The following IFT57 variants were observed in gnomAD, a reference collection of about 807,000 sequenced individuals.
IFT57 encodes intraflagellar transport protein 57 homolog.
IFT57 carries 59 observed loss-of-function variants against 56.8 expected under a neutral mutation model. The observed-to-expected ratio is 1.04, with a 90% confidence interval of 0.84 to 1.29. The LOEUF is 1.29. Among genes scored for constraint, IFT57 ranks in the 50% most tolerant of loss-of-function variants. The pLI, the probability that IFT57 is intolerant of heterozygous loss-of-function variation, is 0.00. For missense variants in IFT57, 470 were observed against 522.1 expected (o/e 0.90, Z 0.97); for synonymous variants, 209 against 186.1 (o/e 1.12, Z -1.00).
At chr3:108,203,855 T>C (rs936360978) in intron 5 of IFT57, among the ~76,000 whole-genome samples, 2 of 152,228 alleles carry the variant, frequency 1.3e-5, no homozygotes, top group African/African-American at 4.8e-5. Flanking sequence ...AAGCATCTTA[T>C]TGTTTTAAAA....
At chr3:108,216,233 T>C (rs1163391057) in intron 3 of IFT57, among the ~76,000 whole-genome samples, 1 of 152,056 alleles carries the variant, frequency 6.6e-6, no homozygotes, top group Non-Finnish European at 1.5e-5. Flanking sequence ...GAACTTAACA[T>C]CCAGTATGTA....
chr3:108,220,599 G>A (rs371883976), intron 1 of IFT57, among the ~76,000 whole-genome samples: 2 of 152,074 alleles, frequency 1.3e-5, no homozygotes, highest in Non-Finnish European at 2.9e-5. Context: ...TTTCCTTATC[G>A]GCAGATAACT....
chr3:108,210,332 C>CTTTT lies in IFT57; in HGVS notation c.585+3595_585+3598dup, dbSNP rs35896793. ...CAGAACTTTGACTGTCAGAAATAATCTTTTTTTTTTTTTTTTTTTGAGACA... is the reference window on the plus strand; with the variant it reads ...CAGAACTTTGACTGTCAGAAATAATCTTTTTTTTTTTTTTTTTTTTTTTGAGACA... On this transcript the variant is annotated intron_variant, in intron 4 of 10. Transcript: ENST00000264538. Among the ~76,000 whole-genome samples, 44 of 107,978 alleles carry CTTTT rather than the reference C, an allele frequency of 4.1e-4. 1 individual carries two copies. Among genetic ancestry groups the CTTTT allele is most frequent in the South Asian group, 9.2e-4 (3 of 3,256 alleles). The allele number at this position is 107,978 out of a possible 152,430, so 70.8% of individuals were successfully genotyped here. A position where few individuals can be genotyped will look rare whatever the true frequency, so the allele number is the denominator to read the frequency against.
At chr3:108,174,071 A>G (rs1317995175) in intron 6 of IFT57, among the ~76,000 whole-genome samples, 2 of 148,046 alleles carry the variant, frequency 1.4e-5, no homozygotes, top group Non-Finnish European at 3.0e-5. Context: ...GAATATGGGT[A>G]CTTTTAAATT....
chr3:108,189,267 C>G (rs896590298), intron 6 of IFT57, among the ~76,000 whole-genome samples: 1 of 152,198 alleles, frequency 6.6e-6, no homozygotes, highest in African/African-American at 2.4e-5. Flanking sequence ...TGTCCACTTA[C>G]ATTGAATAGA....
chr3:108,208,836 G>A (rs1479417414), intron 4 of IFT57, among the ~76,000 whole-genome samples: 1 of 152,154 alleles, frequency 6.6e-6, no homozygotes, highest in African/African-American at 2.4e-5. Flanking sequence ...CCTATTAACA[G>A]GACACTGGAC....
chr3:108,201,549 T>C (rs190924429), intron 5 of IFT57, among the ~76,000 whole-genome samples: 71 of 152,326 alleles, frequency 4.7e-4, no homozygotes, highest in African/African-American at 1.7e-3. Context: ...TAATTTCTCC[T>C]GTGAAATACC....
chr3:108,171,694 G>C (rs1166883574), intron 6 of IFT57, among the ~76,000 whole-genome samples: 1 of 151,694 alleles, frequency 6.6e-6, no homozygotes, highest in African/African-American at 2.4e-5. Flanking sequence ...TCTGCACCTG[G>C]ACCAAATATG....
chr3:108,176,177 T>C (rs114877580), intron 6 of IFT57, among the ~76,000 whole-genome samples: 22 of 152,014 alleles, frequency 1.4e-4, no homozygotes, highest in South Asian at 2.1e-4. Context: ...TTTTGCAGTT[T>C]TATTTTAGTG....
intron 6 of IFT57, among the ~76,000 whole-genome samples, chr3:108,170,356 T>G (rs1187449823): frequency 6.6e-6 from 1 of 151,792 alleles, no homozygotes; most frequent in Middle Eastern, 3.2e-3. Flanking sequence ...ATGCCAATAA[T>G]AGACAAGTAG....
chr3:108,199,970 G>A (rs1055273069), intron 5 of IFT57, among the ~76,000 whole-genome samples: 2 of 152,222 alleles, frequency 1.3e-5, no homozygotes, highest in African/African-American at 2.4e-5. Flanking sequence ...TGCTCACAAG[G>A]TGTTTGAAAG....
At chr3:108,216,873 A>G (rs564735882) in intron 3 of IFT57, among the ~76,000 whole-genome samples, 1 of 152,300 alleles carries the variant, frequency 6.6e-6, no homozygotes, top group Non-Finnish European at 1.5e-5. Context: ...CCAGGCACAG[A>G]AAGACAAATA....
intron 4 of IFT57, among the ~76,000 whole-genome samples, chr3:108,208,689 G>T (rs955408342): frequency 2.0e-5 from 3 of 152,136 alleles, no homozygotes; most frequent in African/African-American, 7.2e-5. Flanking sequence ...CCAAAAGGAA[G>T]AATTCTTCAA....
At chr3:108,200,845 C>A (rs957115393) in intron 5 of IFT57, among the ~76,000 whole-genome samples, 1 of 152,084 alleles carries the variant, frequency 6.6e-6, no homozygotes, top group African/African-American at 2.4e-5. Flanking sequence ...GTATCTTACT[C>A]AAAAATACTC....
In IFT57 at chr3:108,219,439, A is replaced by G. The variant is rs1274093402; in HGVS notation, c.346T>C (p.Ser116Pro). 1.2e-6 allele frequency: 2 copies of G among 1,613,902 alleles called. No homozygotes were observed. The highest frequency in any genetic ancestry group is 1.7e-6 in the Non-Finnish European group (2 of 1,179,808). The change falls in exon 2 of 11, where the codon TCT (serine) becomes CCT (proline). Residue 116 changes from serine (S) to proline (P), a missense_variant. Ser to Pro is a moderately conservative substitution (Grantham distance 74, BLOSUM62 -1). Coordinates refer to ENST00000264538, the MANE Select transcript of IFT57 (RefSeq NM_018010.4). ...QEYDDPNATI[S>P]NILSELRSFG... ...GACCGAAGCTCGGATAGTATGTTAG[A>G]TATTGTTGCATTAGGGTCATCATAT... is the stretch of plus-strand genomic sequence containing the variant.
At chr3:108,202,028 G>A (rs1300468992) in intron 5 of IFT57, among the ~76,000 whole-genome samples, 3 of 152,200 alleles carry the variant, frequency 2.0e-5, no homozygotes, top group Non-Finnish European at 4.4e-5. Flanking sequence ...GTTTTACACT[G>A]TGTAACTCAG....
chr3:108,190,659 T>G (rs2080210572), intron 6 of IFT57, among the ~76,000 whole-genome samples: 1 of 152,226 alleles, frequency 6.6e-6, no homozygotes. Context: ...TTTATAGCAG[T>G]ACAAAAACGA....
intron 4 of IFT57, among the ~76,000 whole-genome samples, chr3:108,209,581 A>T (rs1371586550): frequency 6.6e-6 from 1 of 152,186 alleles, no homozygotes; most frequent in Non-Finnish European, 1.5e-5. Context: ...GTGTTTCTGG[A>T]TGCGAAAAAT....
chr3:108,216,652 G>A (rs1452010479), intron 3 of IFT57, among the ~76,000 whole-genome samples: 3 of 152,050 alleles, frequency 2.0e-5, no homozygotes, highest in African/African-American at 2.4e-5. Context: ...AAATGTAATC[G>A]GTATGTTAGA....
Sources: gnomAD v4.1 joint callset for allele counts (sites outside exome capture counted in the v4.1 genomes callset) on GRCh38, gnomAD v4.1.1 for gene constraint, MANE v1.5 for transcripts, NCBI Gene and HGNC (gene_info 2026-07-23, HGNC 2026-07-21) for gene names.